ATAD2B: variants seen among roughly 807,000 people sequenced by gnomAD.
ATAD2B encodes ATPase family AAA domain containing 2B, also known as ATPase family AAA domain-containing protein 2B.
Under a neutral mutation model 167.6 loss-of-function variants are expected in ATAD2B, and 40 were observed. The ratio of observed to expected loss-of-function variants is 0.24; its 90% CI spans 0.19 to 0.31. ATAD2B has a LOEUF of 0.31. ATAD2B is among the 10% of genes least tolerant of loss of function. The probability of loss-of-function intolerance (pLI) is 1.00; values close to 1 mark genes in which losing one functional copy is unlikely to be tolerated. For synonymous variants in ATAD2B, 579 were observed against 596.5 expected (o/e 0.97, Z 0.43); for missense variants, 1,242 against 1,757.2 (o/e 0.71, Z 5.24).
At chr2:23,807,897 A>AAAATATATAAATAT (rs1218051886) in intron 18 of ATAD2B, among the ~76,000 whole-genome samples, 1 of 135,344 alleles carries the variant, frequency 7.4e-6, no homozygotes, top group African/African-American at 2.7e-5. Context: ...TGTATATAAT[A>AAAATATATAAATAT]AAATATATAA....
chr2:23,882,340 C>T (rs1388981057), intron 6 of ATAD2B, among the ~76,000 whole-genome samples: 2 of 151,768 alleles, frequency 1.3e-5, no homozygotes, highest in Admixed American at 6.6e-5. Context: ...CGATTACAGG[C>T]GTGCACCACA....
intron 7 of ATAD2B, among the ~76,000 whole-genome samples, chr2:23,877,863 A>G (rs897182574): frequency 2.1e-4 from 32 of 151,522 alleles, no homozygotes; most frequent in Admixed American, 1.3e-4. Flanking sequence ...CTCAAAAAAA[A>G]AGAAAAAGAA....
rs1275998168 is a variant in ATAD2B at position 23,885,773 on chromosome 2, C to T, written c.629G>A (p.Arg210Gln). ...TCGAAGTCGTTCTACTTCTCCTGATCGACGATTCCGTCGGATGTTAATGTT... is the reference window on the plus strand; with the variant it reads ...TCGAAGTCGTTCTACTTCTCCTGATTGACGATTCCGTCGGATGTTAATGTT... The part of the protein sequence containing the change: ...MDNINIRRNR[R>Q]SGEVERLRMW... The change falls in exon 5 of 28, where the codon CGA (arginine) becomes CAA (glutamine). Residue 210 changes from arginine to glutamine, a missense_variant. Coordinates refer to ENST00000238789, the MANE Select transcript of ATAD2B (RefSeq NM_017552.4). The T allele has an allele frequency of 1.3e-6, 2 of 1,599,364 alleles. No homozygotes were observed. The highest frequency in any genetic ancestry group is 1.7e-5 in the Admixed American group (1 of 57,946).
chr2:23,877,229 G>A (rs910247392), intron 7 of ATAD2B, among the ~76,000 whole-genome samples: 3 of 151,484 alleles, frequency 2.0e-5, no homozygotes, highest in Non-Finnish European at 2.9e-5. Context: ...TAGGCAACGC[G>A]GTAAGAACCC....
At chr2:23,908,994 G>C (rs1299514568) in intron 1 of ATAD2B, among the ~76,000 whole-genome samples, 1 of 113,522 alleles carries the variant, frequency 8.8e-6, no homozygotes, top group African/African-American at 3.3e-5. Flanking sequence ...GTTGTGGGGT[G>C]GGGGGAGGGA....
At chr2:23,760,690 T>TTTTATA (rs1676552661) in intron 24 of ATAD2B, among the ~76,000 whole-genome samples, 44 of 118,268 alleles carry the variant, frequency 3.7e-4, no homozygotes, top group African/African-American at 1.3e-3. Context: ...ATAAATAAAT[T>TTTTATA]TATATATATA....
chr2:23,723,877 G>C, the ATAD2B span, among the ~76,000 whole-genome samples: 1 of 152,162 alleles, frequency 6.6e-6, no homozygotes, highest in Non-Finnish European at 1.5e-5. Context: ...ATCAACCCAA[G>C]TGTCCAACAA....
At chr2:23,741,714 A>T in the ATAD2B span, among the ~76,000 whole-genome samples, 1 of 152,172 alleles carries the variant, frequency 6.6e-6, no homozygotes, top group African/African-American at 2.4e-5. Context: ...GGATCTAATT[A>T]AACTAAAGAG....
intron 8 of ATAD2B, chr2:23,872,558 G>C: frequency 9.5e-7 from 1 of 1,054,608 alleles, no homozygotes; most frequent in Admixed American, 1.7e-5. Flanking sequence ...CTCACAGGAG[G>C]GTAGCTGATC....
At chr2:23,841,987 T>C (rs1159736511) in intron 13 of ATAD2B, among the ~76,000 whole-genome samples, 1 of 152,212 alleles carries the variant, frequency 6.6e-6, no homozygotes, top group Non-Finnish European at 1.5e-5. Context: ...CTATTTTACT[T>C]TGAACCTTTT....
chr2:23,883,954 G>C (rs1261765093), intron 6 of ATAD2B, among the ~76,000 whole-genome samples: 2 of 152,034 alleles, frequency 1.3e-5, no homozygotes, highest in African/African-American at 4.8e-5. Flanking sequence ...CACAAGCCTG[G>C]CCAACAAGGC....
the ATAD2B span, among the ~76,000 whole-genome samples, chr2:23,706,262 C>A: frequency 3.3e-5 from 5 of 152,202 alleles, no homozygotes; most frequent in Non-Finnish European, 5.9e-5. Context: ...CGCCTTCTGC[C>A]GCTCGCAGGG....
intron 19 of ATAD2B, among the ~76,000 whole-genome samples, chr2:23,790,706 A>T (rs1165857490): frequency 6.6e-6 from 1 of 152,202 alleles, no homozygotes; most frequent in East Asian, 1.9e-4. Context: ...TCTGTTTCAC[A>T]TTGGTTCACA....
Position 23,789,878 on chromosome 2 carries a change from A to T in ATAD2B, c.2641-1231T>A, listed in dbSNP as rs187006894. ...GCTTAAGGTAATAAAGTGAATAAAGAAGACTAAATTATATAAACTGTCAAT... is the reference window on the plus strand; with the variant it reads ...GCTTAAGGTAATAAAGTGAATAAAGTAGACTAAATTATATAAACTGTCAAT... On this transcript the variant is annotated intron_variant, in intron 19 of 27. Coordinates refer to ENST00000238789, the MANE Select transcript of ATAD2B (RefSeq NM_017552.4). Among the ~76,000 whole-genome samples the T allele has an allele frequency of 1.5e-3, 231 of 152,318 alleles. 2 individuals carry two copies. The highest frequency in any genetic ancestry group is 5.3e-3 in the African/African-American group (220 of 41,586).
At chr2:23,910,096 T>A (rs1270842830) in intron 1 of ATAD2B, among the ~76,000 whole-genome samples, 1 of 151,522 alleles carries the variant, frequency 6.6e-6, no homozygotes, top group Non-Finnish European at 1.5e-5. Context: ...ACTCCTGGCC[T>A]CAAGTGATCC....
chr2:23,684,159 G>GT, the ATAD2B span, among the ~76,000 whole-genome samples: 4 of 151,854 alleles, frequency 2.6e-5, no homozygotes, highest in Non-Finnish European at 4.4e-5. This position sits in a 1 kb window ranked among gnomAD's most constrained non-coding sequence, Gnocchi z 4.4. Flanking sequence ...ATCATATTTG[G>GT]TTTTTTTGCT....
intron 22 of ATAD2B, among the ~76,000 whole-genome samples, chr2:23,777,606 C>A (rs1391926614): frequency 6.6e-6 from 1 of 152,006 alleles, no homozygotes; most frequent in African/African-American, 2.4e-5. Flanking sequence ...GGCTTTAATC[C>A]TATACAATTT....
At chr2:23,863,761 C>T (rs1694760401) in intron 11 of ATAD2B, among the ~76,000 whole-genome samples, 1 of 152,132 alleles carries the variant, frequency 6.6e-6, no homozygotes, top group African/African-American at 2.4e-5. Flanking sequence ...AAATAAAGTA[C>T]AGAGTAATTT....
At chr2:23,798,071 C>T in intron 19 of ATAD2B, 67 bp downstream of exon 19, 2 of 1,064,070 alleles carry the variant, frequency 1.9e-6, no homozygotes, top group Non-Finnish European at 2.6e-6. Flanking sequence ...AAAAGGTGTC[C>T]AATTTACAGA....
Sources: gnomAD v4.1 joint callset for allele counts (sites outside exome capture counted in the v4.1 genomes callset) on GRCh38, gnomAD v4.1.1 for gene constraint, Gnocchi (gnomAD v3.1) non-coding constraint, MANE v1.5 for transcripts, NCBI Gene and HGNC (gene_info 2026-07-23, HGNC 2026-07-21) for gene names.